The following ELMO1 variants were observed in gnomAD, a reference collection of about 807,000 sequenced individuals.
ELMO1 encodes engulfment and cell motility protein 1.
In ELMO1, 26 loss-of-function variants were observed where a neutral mutation model predicts 98.9. That is an observed-to-expected ratio of 0.26 (90% confidence interval 0.19 to 0.36). The LOEUF (loss-of-function observed/expected upper bound fraction) is 0.36. Ranked by LOEUF, ELMO1 falls within the 10% of genes least tolerant of loss-of-function variation. The pLI is 1.00. For synonymous variants in ELMO1, 346 were observed against 346.0 expected, an observed-to-expected ratio of 1.00 and a Z score of 0.00; for missense variants, 627 against 935.2, an observed-to-expected ratio of 0.67 and a Z score of 4.30.
chr7:37,442,009 CACTA>C (rs1805433274), intron 1 of ELMO1, among the ~76,000 whole-genome samples: 3 of 152,180 alleles, frequency 2.0e-5, no homozygotes, highest in Admixed American at 2.0e-4. Flanking sequence ...CAACTGGTCT[CACTA>C]ACACAGGAAG....
At chr7:36,927,588 A>G (rs1051883174) in intron 16 of ELMO1, among the ~76,000 whole-genome samples, 1 of 152,204 alleles carries the variant, frequency 6.6e-6, no homozygotes, top group African/African-American at 2.4e-5. Flanking sequence ...TCCCTTGTGA[A>G]GAGTCAGAGT....
intron 1 of ELMO1, among the ~76,000 whole-genome samples, chr7:37,408,008 A>G (rs760493133): frequency 6.6e-6 from 1 of 152,200 alleles, no homozygotes; most frequent in Non-Finnish European, 1.5e-5. Context: ...TAAAAATAGT[A>G]ACTTCAAAAA....
intron 14 of ELMO1, among the ~76,000 whole-genome samples, chr7:37,114,172 T>C (rs1208999802): frequency 2.0e-5 from 3 of 152,208 alleles, no homozygotes. Context: ...TGACCAATAC[T>C]GGAAGAATCA....
At chr7:37,407,693 G>T (rs367949166) in intron 1 of ELMO1, among the ~76,000 whole-genome samples, 3 of 152,290 alleles carry the variant, frequency 2.0e-5, no homozygotes, top group East Asian at 3.9e-4. Context: ...TTTGTGGACT[G>T]CAGGGGATTT....
chr7:37,283,678 C>T (rs1412205124), intron 4 of ELMO1, among the ~76,000 whole-genome samples: 2 of 152,228 alleles, frequency 1.3e-5, no homozygotes, highest in Non-Finnish European at 2.9e-5. Context: ...CATTATGATT[C>T]CATGGGGAAG....
At chr7:37,111,455 C>T (rs368881856) in intron 14 of ELMO1, among the ~76,000 whole-genome samples, 1 of 152,216 alleles carries the variant, frequency 6.6e-6, no homozygotes, top group Non-Finnish European at 1.5e-5. Context: ...TCGGCCACAG[C>T]AGGAGTATTG....
intron 16 of ELMO1, among the ~76,000 whole-genome samples, chr7:36,949,996 G>A (rs555612666): frequency 5.9e-5 from 9 of 152,242 alleles, no homozygotes; most frequent in African/African-American, 1.2e-4. Flanking sequence ...TGGCTCTTTC[G>A]GTTGGAGTTC....
chr7:37,045,692 TA>T (rs1417150680), intron 15 of ELMO1, among the ~76,000 whole-genome samples: 1 of 152,142 alleles, frequency 6.6e-6, no homozygotes, highest in Non-Finnish European at 1.5e-5. Context: ...ACAAAGGAAT[TA>T]AGAGAAAAGG....
chr7:37,039,568 G>A (rs1307312290), intron 15 of ELMO1, among the ~76,000 whole-genome samples: 1 of 152,206 alleles, frequency 6.6e-6, no homozygotes, highest in East Asian at 1.9e-4. Flanking sequence ...AGCATCAGAA[G>A]GAAGCACTAT....
chr7:37,215,164 G>A (rs1343161340), intron 11 of ELMO1, among the ~76,000 whole-genome samples: 5 of 152,152 alleles, frequency 3.3e-5, no homozygotes, highest in African/African-American at 1.2e-4. Context: ...AGAACTGGGG[G>A]ACCTCTTTTT....
chr7:36,992,191 C>A (rs556264229), intron 16 of ELMO1, among the ~76,000 whole-genome samples: 135 of 152,138 alleles, frequency 8.9e-4, no homozygotes, highest in Non-Finnish European at 1.6e-3. Flanking sequence ...ATAAACAGAT[C>A]CCCAACCCAT....
intron 15 of ELMO1, among the ~76,000 whole-genome samples, chr7:37,081,606 G>A (rs976809177): frequency 6.6e-6 from 1 of 152,184 alleles, no homozygotes; most frequent in Admixed American, 6.5e-5. Flanking sequence ...ACGAGACAAG[G>A]GGAAACCCCT....
chr7:37,066,324 C>T (rs1454554209), intron 15 of ELMO1, among the ~76,000 whole-genome samples: 1 of 152,096 alleles, frequency 6.6e-6, no homozygotes, highest in Non-Finnish European at 1.5e-5. Flanking sequence ...GGGTGTACAG[C>T]CTTACTTCTC....
At position 36,999,751 on chromosome 7, in the gene ELMO1, C is replaced by CA. The variant is rs1792502574; in HGVS notation, c.1437+13547dup. Among the ~76,000 whole-genome samples, 3 of 152,240 alleles carry CA rather than the reference C, an allele frequency of 2.0e-5. No homozygotes were observed. The East Asian group carries it at 5.8e-4, about 29-fold the overall frequency. ...AAAAACAGTCCAATACTGGCAGTTG[C>CA]ATATGGCTCCATGTCATCTTTGTGT... On this transcript the variant is annotated intron_variant, in intron 16 of 21. Transcript: ENST00000310758.
chr7:37,292,706 G>T (rs13310335), intron 4 of ELMO1, among the ~76,000 whole-genome samples: 1 of 29,536 alleles, frequency 3.4e-5, no homozygotes, highest in Admixed American at 4.2e-4. Flanking sequence ...GAGCGTCTCC[G>T]CCCGGCAGCC....
At chr7:37,003,807 C>T (rs1433676439) in intron 16 of ELMO1, among the ~76,000 whole-genome samples, 2 of 152,184 alleles carry the variant, frequency 1.3e-5, no homozygotes, top group African/African-American at 4.8e-5. Context: ...CTTCTTCTAG[C>T]TCTTGTTTTG....
chr7:36,918,328 T>TC (rs1291431034), intron 16 of ELMO1, among the ~76,000 whole-genome samples: 1 of 152,162 alleles, frequency 6.6e-6, no homozygotes, highest in East Asian at 1.9e-4. Context: ...ACCTATTTGC[T>TC]CCCCCTGTGG....
At chr7:36,940,304 A>T (rs1296988780) in intron 16 of ELMO1, among the ~76,000 whole-genome samples, 1 of 152,220 alleles carries the variant, frequency 6.6e-6, no homozygotes, top group Non-Finnish European at 1.5e-5. Context: ...CTACACTCAC[A>T]CTGTATGTGA....
rs190465841 is a variant in ELMO1 at position 36,968,539 on chromosome 7, C to T, written c.1437+44760G>A. Among the ~76,000 whole-genome samples, 557 of 152,282 alleles carry T rather than the reference C, an allele frequency of 3.7e-3. 1 individual carries two copies. Among genetic ancestry groups the T allele is most frequent in the Middle Eastern group, 0.01 (3 of 294 alleles). On this transcript the variant is annotated intron_variant, in intron 16 of 21. Transcript: ENST00000310758. Reference sequence around the variant, plus strand: ...AATTGAGCTTTGTAAAGCACACTGGCATATTGCCACCCATTAAATTCATTA... The same window carrying T: ...AATTGAGCTTTGTAAAGCACACTGGTATATTGCCACCCATTAAATTCATTA...
Sources: gnomAD v4.1 joint callset for allele counts (sites outside exome capture counted in the v4.1 genomes callset) on GRCh38, gnomAD v4.1.1 for gene constraint, MANE v1.5 for transcripts, NCBI Gene and HGNC (gene_info 2026-07-23, HGNC 2026-07-21) for gene names.